LRRC37B: variants seen among roughly 807,000 people sequenced by gnomAD.
LRRC37B encodes leucine-rich repeat-containing protein 37B.
Under a neutral mutation model 98.3 loss-of-function variants are expected in LRRC37B, and 28 were observed. The ratio of observed to expected loss-of-function variants is 0.28; its 90% CI spans 0.21 to 0.39. The LOEUF (loss-of-function observed/expected upper bound fraction) is 0.39. Among genes scored for constraint, LRRC37B ranks in the 10% least tolerant of loss-of-function variants. LRRC37B has a pLI of 1.00. For missense variants in LRRC37B, 938 were observed against 1,182.7 expected (o/e 0.79, Z 3.03); for synonymous variants, 364 against 442.7 (o/e 0.82, Z 2.23).
exon 10 of LRRC37B, chr17:32,049,309 T>C (rs753725266): frequency 1.5e-5 from 24 of 1,613,666 alleles, no homozygotes; most frequent in Non-Finnish European, 1.9e-5. Flanking sequence ...GCATTGAATG[T>C]AGAATGGGAT....
Position 32,040,891 on chromosome 17 carries a change from A to T in LRRC37B, c.2205-4809A>T. On this transcript the variant is annotated intron_variant, in intron 7 of 11. Transcript: ENST00000327564. ...GAGAAAGACCTGAAGGGGATCCAGC[A>T]CCACCTGCAGAAGCTGGAGGGCCGC... The T allele has an allele frequency of 4.4e-6, 4 of 907,938 alleles. No individual in the cohort carries two copies. The South Asian group carries it at 5.2e-5, about 12-fold the overall frequency. The allele number at this position is 907,938 out of a possible 1,614,324, so 56.2% of individuals were successfully genotyped here.
intron 5 of LRRC37B, among the ~76,000 whole-genome samples, chr17:32,033,624 ATGCTGATC>A (rs1226654767): frequency 6.6e-6 from 1 of 152,184 alleles, no homozygotes; most frequent in African/African-American, 2.4e-5. Context: ...GAAATGTGAA[ATGCTGATC>A]ACAAATACGT....
intron 6 of LRRC37B, 78 bp downstream of exon 9, chr17:32,035,059 C>A: frequency 9.3e-7 from 1 of 1,079,812 alleles, no homozygotes; most frequent in Non-Finnish European, 1.3e-6. Context: ...AAGTATTTTG[C>A]ATTTAGGCTA....
chr17:32,026,521 C>T (rs1173494905), intron 2 of LRRC37B, among the ~76,000 whole-genome samples: 3 of 152,140 alleles, frequency 2.0e-5, no homozygotes, highest in African/African-American at 4.8e-5. Flanking sequence ...TTCCACCTCC[C>T]GGGTTCAAGG....
intron 1 of LRRC37B, among the ~76,000 whole-genome samples, chr17:32,011,796 C>T (rs539857908): frequency 6.6e-6 from 1 of 152,286 alleles, no homozygotes; most frequent in South Asian, 2.1e-4. Flanking sequence ...CGCGCCCAGC[C>T]CCTTTGTGCA....
At chr17:32,034,504 CAAAAAAAAAAAA>C (rs35735718) in intron 5 of LRRC37B, among the ~76,000 whole-genome samples, 1 of 43,902 alleles carries the variant, frequency 2.3e-5, no homozygotes, top group Admixed American at 2.2e-4. Flanking sequence ...ACTCCATCTC[CAAAAAAAAAAAA>C]AAAAAAAACA....
chr17:32,043,075 A>G (rs1234405303), intron 7 of LRRC37B, among the ~76,000 whole-genome samples: 4 of 152,150 alleles, frequency 2.6e-5, no homozygotes, highest in Admixed American at 6.5e-5. Context: ...TATGTCTGCA[A>G]CTGACTCTCA....
At chr17:32,051,103 A>T (rs1047175415) in intron 11 of LRRC37B, 1 of 152,238 alleles carries the variant, frequency 6.6e-6, no homozygotes, top group Non-Finnish European at 1.5e-5. Flanking sequence ...GCCTTTGTCC[A>T]TCTACAATGC....
intron 5 of LRRC37B, among the ~76,000 whole-genome samples, chr17:32,034,385 C>T (rs1911184390): frequency 6.6e-6 from 1 of 151,350 alleles, no homozygotes; most frequent in African/African-American, 2.4e-5. Context: ...AACTGTAATC[C>T]CAGCTACTCA....
intron 5 of LRRC37B, chr17:32,034,093 A>G (rs1009906205): frequency 6.6e-6 from 1 of 152,210 alleles, no homozygotes; most frequent in Admixed American, 6.5e-5. Flanking sequence ...GGTTTTGACC[A>G]GTTCCTCCTC....
At chr17:32,035,714 G>A in intron 7 of LRRC37B, 75 bp downstream of exon 10, 1 of 1,414,604 alleles carries the variant, frequency 7.1e-7, no homozygotes, top group East Asian at 2.3e-5. Context: ...CTTAAGTCAG[G>A]TTTATTGAGA....
At chr17:32,035,528 G>T in intron 6 of LRRC37B, 37 bp from the exon 10 acceptor site, 1 of 1,577,452 alleles carries the variant, frequency 6.3e-7, no homozygotes. Context: ...ATTTTGTAAT[G>T]GGTTCATATC....
At chr17:32,026,449 A>G (rs566332208) in intron 2 of LRRC37B, among the ~76,000 whole-genome samples, 3 of 152,232 alleles carry the variant, frequency 2.0e-5, no homozygotes, top group South Asian at 4.1e-4. Flanking sequence ...ATTTTTCGAG[A>G]TGGAATTTTG....
At chr17:32,041,222 G>A (rs772803814) in intron 7 of LRRC37B, 21 of 771,212 alleles carry the variant, frequency 2.7e-5, no homozygotes, top group South Asian at 2.7e-4. Flanking sequence ...ACCTCGGAGA[G>A]CCTGAGCAGT....
upstream of LRRC37B, among the ~76,000 whole-genome samples, chr17:32,019,083 T>C (rs1390642350): frequency 3.9e-5 from 6 of 152,128 alleles, no homozygotes; most frequent in Non-Finnish European, 8.8e-5. Context: ...CGCACCACCA[T>C]ACTCAGCTGA....
chr17:32,015,034 G>A (rs1910620329), intron 1 of LRRC37B, among the ~76,000 whole-genome samples: 2 of 152,148 alleles, frequency 1.3e-5, no homozygotes, highest in Admixed American at 1.3e-4. Flanking sequence ...TGGGAGTGAG[G>A]CAGGCAAGTG....
chr17:32,041,926 T>C, intron 7 of LRRC37B: 1 of 426,836 alleles, frequency 2.3e-6, no homozygotes, highest in South Asian at 1.7e-5. Flanking sequence ...TACCCTCGAG[T>C]TCCACGGCCT....
chr17:32,018,794 G>A (rs143685071), upstream of LRRC37B, among the ~76,000 whole-genome samples: 223 of 152,262 alleles, frequency 1.5e-3, no homozygotes, highest in African/African-American at 5.0e-3. Flanking sequence ...GGACTATTTT[G>A]CTGAAGATCT....
At chr17:32,036,976 ATTTTT>A (rs71360793) in intron 7 of LRRC37B, among the ~76,000 whole-genome samples, 4 of 51,662 alleles carry the variant, frequency 7.7e-5, no homozygotes, top group African/African-American at 2.2e-4. Context: ...CATCTTCAGC[ATTTTT>A]TTTTTTTTTT....
Sources: gnomAD v4.1 joint callset for allele counts (sites outside exome capture counted in the v4.1 genomes callset) on GRCh38, gnomAD v4.1.1 for gene constraint, MANE v1.5 for transcripts, NCBI Gene and HGNC (gene_info 2026-07-23, HGNC 2026-07-21) for gene names.